Variants in ADAMTSL1 observed in about 807,000 individuals in gnomAD.
ADAMTSL1 encodes ADAMTS like 1.
Under a neutral mutation model 201.8 loss-of-function variants are expected in ADAMTSL1, and 126 were observed. The observed-to-expected ratio is 0.62, with a 90% CI of 0.54 to 0.72. The LOEUF is 0.72. Ranked by LOEUF, ADAMTSL1 falls within the 30% of genes least tolerant of loss-of-function variation. The pLI is 0.00. For missense variants in ADAMTSL1, 2,679 were observed against 2,277.8 expected, an observed-to-expected ratio of 1.18 and a Z score of -3.59; for synonymous variants, 1,121 against 903.4, an observed-to-expected ratio of 1.24 and a Z score of -4.32.
chr9:18,825,777 T>C (rs1824513732), intron 21 of ADAMTSL1, among the ~76,000 whole-genome samples: 1 of 151,722 alleles, frequency 6.6e-6, no homozygotes, highest in South Asian at 2.1e-4. Context: ...CCAGGTTTTT[T>C]TTTTTTTACT....
intron 3 of ADAMTSL1, among the ~76,000 whole-genome samples, chr9:18,540,025 C>T (rs924048768): frequency 6.6e-6 from 1 of 152,068 alleles, no homozygotes; most frequent in Non-Finnish European, 1.5e-5. Context: ...TAAAAAAATG[C>T]ATGACATTCT....
intron 1 of ADAMTSL1, among the ~76,000 whole-genome samples, chr9:18,500,863 T>C (rs1346996322): frequency 2.0e-5 from 3 of 152,218 alleles, no homozygotes; most frequent in Non-Finnish European, 4.4e-5. Flanking sequence ...TTCCTTGTCA[T>C]TGATATTAAC....
intron 21 of ADAMTSL1, among the ~76,000 whole-genome samples, chr9:18,825,065 G>A (rs1431778310): frequency 1.3e-5 from 2 of 152,066 alleles, no homozygotes; most frequent in African/African-American, 4.8e-5. Flanking sequence ...TGTGAGCTGG[G>A]TCAGCAGGCT....
At chr9:18,131,070 T>C (rs539396970) in intron 1 of ADAMTSL1, among the ~76,000 whole-genome samples, 2 of 152,306 alleles carry the variant, frequency 1.3e-5, no homozygotes, top group East Asian at 3.9e-4. Context: ...AAATAGAGTA[T>C]GGCTCAATCT....
intron 1 of ADAMTSL1, among the ~76,000 whole-genome samples, chr9:18,074,541 C>A (rs939319532): frequency 1.8e-4 from 18 of 101,380 alleles, no homozygotes; most frequent in African/African-American, 6.2e-4. Flanking sequence ...TTTCTTCTCT[C>A]TTCTTTTCTC....
At chr9:17,939,681 T>C (rs1827155810) in intron 1 of ADAMTSL1, among the ~76,000 whole-genome samples, 1 of 152,164 alleles carries the variant, frequency 6.6e-6, no homozygotes, top group South Asian at 2.1e-4. Context: ...CATTCATTCA[T>C]TCATTTACTT....
At chr9:18,742,297 C>G (rs1182783830) in intron 15 of ADAMTSL1, among the ~76,000 whole-genome samples, 4 of 152,154 alleles carry the variant, frequency 2.6e-5, no homozygotes, top group Non-Finnish European at 5.9e-5. Context: ...ATGCCACCTA[C>G]AAATCAGTAA....
At chr9:17,931,111 T>G (rs1413432372) in intron 1 of ADAMTSL1, among the ~76,000 whole-genome samples, 2 of 152,172 alleles carry the variant, frequency 1.3e-5, no homozygotes, top group African/African-American at 4.8e-5. Context: ...AAAGACCTAT[T>G]GCATGTCCCG....
At chr9:18,798,234 G>A (rs907346942) in intron 20 of ADAMTSL1, among the ~76,000 whole-genome samples, 2 of 152,158 alleles carry the variant, frequency 1.3e-5, no homozygotes, top group African/African-American at 4.8e-5. Context: ...CACAAAAGCA[G>A]GCATAGCATG....
At chr9:18,443,932 T>C (rs977962026) in intron 2 of ADAMTSL1, among the ~76,000 whole-genome samples, 1 of 152,188 alleles carries the variant, frequency 6.6e-6, no homozygotes, top group Non-Finnish European at 1.5e-5. Context: ...ATTGGTGAAA[T>C]TGTGAAGTAT....
chr9:17,975,791 T>C (rs1436569323), intron 1 of ADAMTSL1, among the ~76,000 whole-genome samples: 1 of 152,152 alleles, frequency 6.6e-6, no homozygotes, highest in East Asian at 1.9e-4. Context: ...CAAAAAATCA[T>C]TGCCCGGATC....
At chr9:17,916,839 A>C (rs1826115560) in intron 1 of ADAMTSL1, among the ~76,000 whole-genome samples, 1 of 152,122 alleles carries the variant, frequency 6.6e-6, no homozygotes, top group South Asian at 2.1e-4. Flanking sequence ...TTTGATTAGG[A>C]GTGTTTTAAT....
intron 23 of ADAMTSL1, among the ~76,000 whole-genome samples, chr9:18,856,662 TG>T (rs1207037670): frequency 6.6e-6 from 1 of 152,086 alleles, no homozygotes; most frequent in African/African-American, 2.4e-5. Flanking sequence ...TTCATCGTGT[TG>T]GCCAAGCTGG....
chr9:18,821,932 C>G (rs764502349), intron 21 of ADAMTSL1, among the ~76,000 whole-genome samples: 3 of 152,136 alleles, frequency 2.0e-5, no homozygotes, highest in Non-Finnish European at 4.4e-5. Flanking sequence ...TACCTGGCAG[C>G]TCCATGGACA....
At chr9:18,622,866 G>T (rs943045788) in intron 5 of ADAMTSL1, among the ~76,000 whole-genome samples, 1 of 152,022 alleles carries the variant, frequency 6.6e-6, no homozygotes, top group Non-Finnish European at 1.5e-5. Flanking sequence ...TTGGATTTTT[G>T]GTTTTTGAGT....
chr9:18,235,892 G>A (rs1368069946), intron 2 of ADAMTSL1, among the ~76,000 whole-genome samples: 1 of 152,136 alleles, frequency 6.6e-6, no homozygotes. Context: ...TCAGCATTCT[G>A]TTCTTTTCCT....
intron 2 of ADAMTSL1, among the ~76,000 whole-genome samples, chr9:18,457,338 T>C (rs928655127): frequency 1.4e-5 from 2 of 140,646 alleles, no homozygotes; most frequent in Non-Finnish European, 3.0e-5. Context: ...AATTTCTTTC[T>C]TTTTTTGTTT....
chr9:18,222,717 A>G (rs1031048036), intron 2 of ADAMTSL1, among the ~76,000 whole-genome samples: 1 of 145,518 alleles, frequency 6.9e-6, no homozygotes, highest in African/African-American at 2.5e-5. Flanking sequence ...TTTCTTCTTG[A>G]AATAAATAGT....
rs546421379 is a variant in ADAMTSL1 at position 18,715,469 on chromosome 9, G to A, written c.1877-6067G>A. Among the ~76,000 whole-genome samples the A allele has an allele frequency of 2.1e-3, 327 of 152,146 alleles. 1 individual carries two copies. The highest frequency in any genetic ancestry group is 7.2e-3 in the African/African-American group (299 of 41,514). ...AGACAAACAGAGAGCCAAATCATGC[G>A]TGAACTCCCATTCACAATTGCTTCA... On this transcript the variant is annotated intron_variant, in intron 14 of 28. Transcript: ENST00000380548.
Sources: allele counts gnomAD v4.1 joint callset (sites outside exome capture counted in the v4.1 genomes callset), GRCh38; gene constraint gnomAD v4.1.1; transcripts MANE v1.5; gene names NCBI Gene and HGNC (gene_info 2026-07-23, HGNC 2026-07-21).